The following ELP3 variants were observed in gnomAD, a reference collection of about 807,000 sequenced individuals.
ELP3 encodes the protein elongator complex protein 3.
Under a neutral mutation model 74.9 loss-of-function variants are expected in ELP3, and 56 were observed. That is an observed-to-expected ratio of 0.75 (90% confidence interval 0.60 to 0.93). ELP3 has a LOEUF of 0.93. Ranked by LOEUF, ELP3 falls within the 40% of genes least tolerant of loss-of-function variation. ELP3 has a pLI of 0.00. For missense variants in ELP3, 573 were observed against 686.5 expected (o/e 0.83, Z 1.85); for synonymous variants, 222 against 239.8 (o/e 0.93, Z 0.68).
chr8:28,175,810 C>CTTT lies in ELP3; in HGVS notation c.1567+13751_1567+13753dup, dbSNP rs56901616. 8.1e-3 allele frequency among the ~76,000 whole-genome samples: 631 copies of CTTT among 77,686 alleles called. 7 individuals are homozygous for CTTT. The highest frequency in any genetic ancestry group is 0.014 in the African/African-American group (277 of 19,610). The allele number at this position is 77,686 out of a possible 152,430, so 51.0% of individuals were successfully genotyped here. On this transcript the variant is annotated intron_variant, in intron 14 of 14. Transcript: ENST00000256398. ...CTGTAATCATGCATTTGTCTAGTGA[C>CTTT]TTTTTTTTTTTTTTTTTTTTTGGGG...
intron 10 of ELP3, among the ~76,000 whole-genome samples, chr8:28,152,193 T>C (rs1813667126): frequency 6.6e-6 from 1 of 152,000 alleles, no homozygotes; most frequent in Non-Finnish European, 1.5e-5. Context: ...TCCAGAAGAG[T>C]TGTGACTTTT....
At chr8:28,164,211 A>G (rs377328483) in intron 14 of ELP3, among the ~76,000 whole-genome samples, 15 of 152,258 alleles carry the variant, frequency 9.9e-5, no homozygotes, top group South Asian at 2.1e-4. Context: ...GTCATATCCA[A>G]TTGCTCATAA....
chr8:28,092,228 T>TTTGTTG (rs34694415), upstream of ELP3, among the ~76,000 whole-genome samples: 5 of 151,374 alleles, frequency 3.3e-5, no homozygotes, highest in Admixed American at 3.3e-4. Flanking sequence ...AGCTTAACTT[T>TTTGTTG]TTGTTGTTGT....
At chr8:28,152,080 A>G (rs1350268981) in intron 10 of ELP3, among the ~76,000 whole-genome samples, 1 of 152,070 alleles carries the variant, frequency 6.6e-6, no homozygotes, top group Non-Finnish European at 1.5e-5. Context: ...TTCCACTAGG[A>G]GTCTCTGGTC....
chr8:28,169,234 T>C (rs1305356790), intron 14 of ELP3, among the ~76,000 whole-genome samples: 1 of 152,234 alleles, frequency 6.6e-6, no homozygotes, highest in African/African-American at 2.4e-5. Context: ...GCGTGATCTG[T>C]TGCCTCACTG....
At chr8:28,119,369 A>G (rs1386375534) in intron 7 of ELP3, among the ~76,000 whole-genome samples, 2 of 151,806 alleles carry the variant, frequency 1.3e-5, no homozygotes, top group Non-Finnish European at 2.9e-5. Context: ...TTTATCACAT[A>G]TCTGTCAGTT....
Position 28,110,441 on chromosome 8 carries a change from A to G in ELP3, c.462+3A>G, listed in dbSNP as rs762280379. 2.5e-6 allele frequency: 4 copies of G among 1,607,030 alleles called. No homozygotes were observed. On this transcript the variant is annotated splice_donor_region_variant and intron_variant, in intron 6 of 14. Transcript: ENST00000256398. ...AGACAAGACACCGAATAGAACAGGT[A>G]CATTTTTAAAAAACATGTTTCTTAA...
intron 14 of ELP3, among the ~76,000 whole-genome samples, chr8:28,188,463 C>A (rs1278182808): frequency 1.3e-5 from 2 of 151,942 alleles, no homozygotes; most frequent in African/African-American, 2.4e-5. Context: ...TTCAGCCCCA[C>A]CCTCCCTCCT....
intron 14 of ELP3, among the ~76,000 whole-genome samples, chr8:28,177,697 G>A (rs1814817146): frequency 6.6e-6 from 1 of 152,190 alleles, no homozygotes; most frequent in Admixed American, 6.5e-5. Flanking sequence ...AGTGAAGGGT[G>A]GCCTATGTCC....
chr8:28,123,617 A>G (rs1812456497), intron 7 of ELP3, among the ~76,000 whole-genome samples: 1 of 152,224 alleles, frequency 6.6e-6, no homozygotes, highest in South Asian at 2.1e-4. Flanking sequence ...GAAATCTCCA[A>G]GTATGATTGA....
intron 14 of ELP3, among the ~76,000 whole-genome samples, chr8:28,170,890 G>A (rs528566790): frequency 1.3e-5 from 2 of 152,048 alleles, no homozygotes; most frequent in Non-Finnish European, 2.9e-5. Context: ...CCAGTTCCCC[G>A]CACAGTCCTC....
intron 10 of ELP3, among the ~76,000 whole-genome samples, chr8:28,150,465 A>G (rs991666719): frequency 6.6e-6 from 1 of 152,162 alleles, no homozygotes; most frequent in Non-Finnish European, 1.5e-5. Flanking sequence ...TTGAAAGAAT[A>G]CTTTCATAGG....
At chr8:28,166,368 A>G (rs1021272688) in intron 14 of ELP3, among the ~76,000 whole-genome samples, 5 of 152,232 alleles carry the variant, frequency 3.3e-5, no homozygotes, top group Non-Finnish European at 5.9e-5. Flanking sequence ...AATCAGTGTT[A>G]TGAGAACCAC....
In ELP3 at chr8:28,147,807, G is replaced by A. The variant is rs1813488971; in HGVS notation, c.1101-8135G>A. ...GCTTAGAAAAATGGCCATTTCCAGG[G>A]CTGGGCAGCAAACATACAGGATGAA... On this transcript the variant is annotated intron_variant, in intron 10 of 14. Transcript: ENST00000256398. This position sits in a 1 kb window ranked among gnomAD's most constrained non-coding sequence, Gnocchi z 4.5. Among the ~76,000 whole-genome samples, 1 of 152,008 alleles carries A rather than the reference G, an allele frequency of 6.6e-6. No individual in the cohort carries two copies.
intron 11 of ELP3, among the ~76,000 whole-genome samples, chr8:28,157,412 A>G (rs1813874876): frequency 6.6e-6 from 1 of 152,194 alleles, no homozygotes; most frequent in Non-Finnish European, 1.5e-5. Context: ...TACATTAAGT[A>G]GATTAATAAT....
chr8:28,175,457 C>A (rs1447737955), intron 14 of ELP3, among the ~76,000 whole-genome samples: 1 of 152,154 alleles, frequency 6.6e-6, no homozygotes, highest in South Asian at 2.1e-4. Context: ...CATCTCTGTG[C>A]CAGAATTTCT....
chr8:28,188,181 C>T lies in ELP3; in HGVS notation c.1568-1468C>T, dbSNP rs143743302. Among the ~76,000 whole-genome samples the T allele has an allele frequency of 9.8e-3, 1,495 of 152,314 alleles. 8 individuals are homozygous for T. The highest frequency in any genetic ancestry group is 0.016 in the Non-Finnish European group (1,120 of 68,030). On this transcript the variant is annotated intron_variant, in intron 14 of 14. Coordinates refer to ENST00000256398, the MANE Select transcript of ELP3 (RefSeq NM_018091.6). ...TGTCTCACTCCCAGGCACAGACAGC[C>T]GGGCTGTTTGAGGAATGCGTCCAAT...
Position 28,113,087 on chromosome 8 carries a change from TC to T in ELP3, c.533del (p.Pro178GlnfsTer51), listed in dbSNP as rs1219721267. On this transcript the variant is annotated frameshift_variant, in exon 7 of 15. Coordinates refer to ENST00000256398, the MANE Select transcript of ELP3 (RefSeq NM_018091.6). LOFTEE classifies it high-confidence loss of function. ...TGATGGGTGGAACGTTTATGGCCCTTCCAGAAGAATACAGAGATTATTTTAT... is the reference window on the plus strand; with the variant it reads ...TGATGGGTGGAACGTTTATGGCCCTTCAGAAGAATACAGAGATTATTTTAT... ...IVMGGTFMAL[P>X]EEYRDYFIRN... The T allele has an allele frequency of 1.2e-6, 2 of 1,613,850 alleles. No homozygotes were observed. Among genetic ancestry groups the T allele is most frequent in the African/African-American group, 1.3e-5 (1 of 74,914 alleles).
rs1475793160 is a variant in ELP3, at chr8:28,147,956, A to G, written c.1101-7986A>G. 6.6e-6 allele frequency among the ~76,000 whole-genome samples: 1 copy of G among 152,220 alleles called. No homozygotes were observed. ...GCAAAAATCTAATGTCAGCAACAAA[A>G]TAAATAATGTTAATATTAGTTAAAA... is the stretch of plus-strand genomic sequence containing the variant. On this transcript the variant is annotated intron_variant, in intron 10 of 14. Coordinates refer to ENST00000256398, the MANE Select transcript of ELP3 (RefSeq NM_018091.6). The surrounding 1 kb of genome is among the most constrained non-coding windows in gnomAD (Gnocchi z 4.5).
Sources: allele counts gnomAD v4.1 joint callset (sites outside exome capture counted in the v4.1 genomes callset), GRCh38; gene constraint gnomAD v4.1.1; non-coding constraint Gnocchi (gnomAD v3.1); transcripts MANE v1.5; gene names NCBI Gene and HGNC (gene_info 2026-07-23, HGNC 2026-07-21).